OXCT1: variants seen among roughly 807,000 people sequenced by gnomAD.
OXCT1 encodes 3-oxoacid CoA-transferase 1.
In OXCT1, 27 loss-of-function variants were observed where a neutral mutation model predicts 69.6. The observed-to-expected ratio is 0.39, with a 90% CI of 0.29 to 0.54. The LOEUF is 0.54. Ranked by LOEUF, OXCT1 falls within the 20% of genes least tolerant of loss-of-function variation. The pLI, the probability that OXCT1 is intolerant of heterozygous loss-of-function variation, is 0.72. For missense variants in OXCT1, 437 were observed against 650.2 expected, an observed-to-expected ratio of 0.67 and a Z score of 3.57; for synonymous variants, 202 against 217.8, an observed-to-expected ratio of 0.93 and a Z score of 0.64.
At chr5:41,843,355 A>G (rs2112411213) in intron 5 of OXCT1, among the ~76,000 whole-genome samples, 1 of 152,142 alleles carries the variant, frequency 6.6e-6, no homozygotes, top group South Asian at 2.1e-4. Context: ...GACCTCCTTC[A>G]ATAGTTTTAT....
intron 7 of OXCT1, among the ~76,000 whole-genome samples, chr5:41,816,547 T>C (rs1747255162): frequency 6.6e-6 from 1 of 152,320 alleles, no homozygotes; most frequent in South Asian, 2.1e-4. Context: ...CAAGTCTTAA[T>C]TCTGGTGTTA....
intron 13 of OXCT1, among the ~76,000 whole-genome samples, chr5:41,783,985 G>T (rs560340858): frequency 6.6e-6 from 1 of 152,140 alleles, no homozygotes; most frequent in Non-Finnish European, 1.5e-5. Context: ...ATATCCTTTT[G>T]CTTCTGTCAA....
At chr5:41,869,685 G>T (rs1402243277) in intron 1 of OXCT1, among the ~76,000 whole-genome samples, 1 of 152,164 alleles carries the variant, frequency 6.6e-6, no homozygotes, top group Non-Finnish European at 1.5e-5. Flanking sequence ...ACGCCCTGGC[G>T]AGCGCTCCAG....
intron 13 of OXCT1, among the ~76,000 whole-genome samples, chr5:41,792,334 C>T (rs1343761546): frequency 6.6e-6 from 1 of 152,184 alleles, no homozygotes; most frequent in Non-Finnish European, 1.5e-5. Flanking sequence ...ACTACAGGGC[C>T]TTGCTCTTAC....
At chr5:41,781,606 C>T (rs978695228) in intron 13 of OXCT1, among the ~76,000 whole-genome samples, 1 of 152,076 alleles carries the variant, frequency 6.6e-6, no homozygotes, top group Non-Finnish European at 1.5e-5. Flanking sequence ...TACTCTCGCT[C>T]CCCCCATACC....
At chr5:41,829,113 T>G (rs1747963769) in intron 7 of OXCT1, among the ~76,000 whole-genome samples, 1 of 152,194 alleles carries the variant, frequency 6.6e-6, no homozygotes, top group Admixed American at 6.5e-5. Flanking sequence ...TAGGAAGTTC[T>G]ATATTAGAGA....
At chr5:41,745,182 A>AG (rs1381242890) in intron 15 of OXCT1, among the ~76,000 whole-genome samples, 1 of 152,118 alleles carries the variant, frequency 6.6e-6, no homozygotes, top group Non-Finnish European at 1.5e-5. Flanking sequence ...TAAAAAAAAA[A>AG]CAAATTATAA....
chr5:41,826,461 T>G (rs189959505), intron 7 of OXCT1, among the ~76,000 whole-genome samples: 14 of 152,132 alleles, frequency 9.2e-5, no homozygotes, highest in Non-Finnish European at 1.6e-4. Context: ...AAGGTGAGCA[T>G]GTAGCATTTT....
intron 4 of OXCT1, among the ~76,000 whole-genome samples, chr5:41,852,969 G>C (rs1749252768): frequency 6.6e-6 from 1 of 152,034 alleles, no homozygotes; most frequent in Non-Finnish European, 1.5e-5. Flanking sequence ...TTCTCAGGAG[G>C]CCGAGGCAGG....
At chr5:41,737,004 T>C (rs887500058) in intron 16 of OXCT1, among the ~76,000 whole-genome samples, 22 of 152,346 alleles carry the variant, frequency 1.4e-4, no homozygotes, top group African/African-American at 5.1e-4. Context: ...TGTATCCTTA[T>C]TGATAATCCA....
intron 16 of OXCT1, among the ~76,000 whole-genome samples, chr5:41,732,089 T>C (rs1378471146): frequency 1.3e-5 from 2 of 152,198 alleles, no homozygotes; most frequent in East Asian, 3.9e-4. Context: ...GATGGATCAC[T>C]GATCTCCGAG....
In OXCT1 at chr5:41,775,147, A is replaced by G. The variant is rs567944892; in HGVS notation, c.1249-12947T>C. On this transcript the variant is annotated intron_variant, in intron 13 of 16. Coordinates refer to ENST00000196371, the MANE Select transcript of OXCT1 (RefSeq NM_000436.4). The stretch of plus-strand genomic sequence containing the variant: ...CACCACCCAATTCTGTAACCAGCTG[A>G]GTGCCCAACAATTCAACTCACTTCT... Among the ~76,000 whole-genome samples, 11 of 152,208 alleles carry G rather than the reference A, an allele frequency of 7.2e-5. No individual in the cohort carries two copies. In the South Asian group the frequency reaches 2.1e-3, roughly 29 times the overall value.
intron 9 of OXCT1, 144 bp downstream of exon 9, chr5:41,805,423 T>TAAA (rs878997637): frequency 1.5e-4 from 83 of 570,532 alleles, no homozygotes; most frequent in Middle Eastern, 3.7e-4. Flanking sequence ...CCACATTTTG[T>TAAA]AAAAAAAAAA....
chr5:41,796,651 T>C (rs1308003362), intron 11 of OXCT1, among the ~76,000 whole-genome samples: 1 of 152,202 alleles, frequency 6.6e-6, no homozygotes, highest in African/African-American at 2.4e-5. Context: ...CGAGGGAGTT[T>C]TATTCCAAAT....
intron 14 of OXCT1, among the ~76,000 whole-genome samples, chr5:41,760,877 C>G (rs145188913): frequency 2.6e-5 from 4 of 152,226 alleles, no homozygotes; most frequent in East Asian, 1.9e-4. Context: ...GTTTTCACAA[C>G]AAAATCATTT....
At chr5:41,859,933 T>C (rs1256467094) in intron 3 of OXCT1, among the ~76,000 whole-genome samples, 1 of 135,702 alleles carries the variant, frequency 7.4e-6, no homozygotes, top group East Asian at 2.0e-4. Context: ...CAAGTAATTA[T>C]AGGTGTAGGT....
In OXCT1 at chr5:41,767,720, G is replaced by GTATATATA. The variant is rs751695010; in HGVS notation, c.1249-5521_1249-5520insTATATATA. On this transcript the variant is annotated intron_variant, in intron 13 of 16. Transcript: ENST00000196371. ...TATCTAGTATCTAATATATATGTGT[G>GTATATATA]TGTATATATATATATATATATATAT... Among the ~76,000 whole-genome samples the GTATATATA allele has an allele frequency of 4.7e-3, 368 of 78,268 alleles. 4 individuals carry two copies. Among genetic ancestry groups the GTATATATA allele is most frequent in the African/African-American group, 0.02 (336 of 16,632 alleles). 51.3% of individuals were successfully genotyped at this position (78,268 alleles called of 152,430 possible).
At chr5:41,811,610 A>G (rs1245719596) in intron 7 of OXCT1, among the ~76,000 whole-genome samples, 1 of 151,998 alleles carries the variant, frequency 6.6e-6, no homozygotes, top group Non-Finnish European at 1.5e-5. Flanking sequence ...AAAACACAGA[A>G]AAAAATGGTA....
chr5:41,803,206 G>A (rs367770201), intron 9 of OXCT1, 43 bp from the exon 10 acceptor site: 2 of 1,291,752 alleles, frequency 1.5e-6, no homozygotes, highest in South Asian at 1.2e-5. Flanking sequence ...AAAAGGTAGA[G>A]AAGTTATACC....
Sources: gnomAD v4.1 joint callset for allele counts (sites outside exome capture counted in the v4.1 genomes callset) on GRCh38, gnomAD v4.1.1 for gene constraint, MANE v1.5 for transcripts, NCBI Gene and HGNC (gene_info 2026-07-23, HGNC 2026-07-21) for gene names.